The following CNTNAP2 variants were observed in gnomAD, a reference collection of about 807,000 sequenced individuals.
CNTNAP2 encodes contactin-associated protein-like 2.
Under a neutral mutation model 155.2 loss-of-function variants are expected in CNTNAP2, and 98 were observed. That is an observed-to-expected ratio of 0.63 (90% CI 0.54 to 0.75). The LOEUF (loss-of-function observed/expected upper bound fraction) is 0.75, where lower values mean the gene tolerates loss of function less well. CNTNAP2 is among the 30% of genes least tolerant of loss of function. The pLI is 0.00. For missense variants in CNTNAP2, 1,727 were observed against 1,688.1 expected, an observed-to-expected ratio of 1.02 and a Z score of -0.40; for synonymous variants, 651 against 631.2, an observed-to-expected ratio of 1.03 and a Z score of -0.47.
intron 1 of CNTNAP2, among the ~76,000 whole-genome samples, chr7:146,411,740 T>C (rs937848336): frequency 2.0e-5 from 3 of 152,050 alleles, no homozygotes; most frequent in African/African-American, 7.2e-5. Context: ...ATAAAGTCAG[T>C]TTTAAAGAGA....
At chr7:147,407,879 C>T (rs116800067) in intron 10 of CNTNAP2, among the ~76,000 whole-genome samples, 2,359 of 152,234 alleles carry the variant, frequency 0.015, 48 homozygotes, top group African/African-American at 0.054. Flanking sequence ...AAGGCAGGAA[C>T]ATGCCAGGCA....
chr7:147,043,510 T>C (rs538580435), intron 3 of CNTNAP2, among the ~76,000 whole-genome samples: 1 of 152,354 alleles, frequency 6.6e-6, no homozygotes, highest in South Asian at 2.1e-4. Flanking sequence ...TTTAAATTTC[T>C]AATGGTTTTA....
intron 11 of CNTNAP2, among the ~76,000 whole-genome samples, chr7:147,526,052 TGTG>T (rs983240011): frequency 1.7e-4 from 25 of 151,172 alleles, no homozygotes; most frequent in African/African-American, 6.1e-4. Context: ...ATTAGCCAGG[TGTG>T]GTGGTGTGTG....
intron 13 of CNTNAP2, among the ~76,000 whole-genome samples, chr7:147,896,765 AT>A (rs1333383294): frequency 1.3e-5 from 2 of 152,134 alleles, no homozygotes; most frequent in Admixed American, 6.5e-5. Flanking sequence ...CTTAACTATA[AT>A]TTCTAATCTT....
chr7:146,182,139 A>G (rs1042809500), intron 1 of CNTNAP2, among the ~76,000 whole-genome samples: 4 of 152,148 alleles, frequency 2.6e-5, no homozygotes, highest in Non-Finnish European at 5.9e-5. Flanking sequence ...TAAATCTAAA[A>G]TATTTAGTAT....
At chr7:147,343,616 G>A (rs1795799212) in intron 9 of CNTNAP2, among the ~76,000 whole-genome samples, 1 of 152,046 alleles carries the variant, frequency 6.6e-6, no homozygotes, top group Non-Finnish European at 1.5e-5. Flanking sequence ...TTTTAATATT[G>A]TGAATATAAA....
rs111762505 is a variant in CNTNAP2, at chr7:148,122,082, C to T, written c.2554+3794C>T. ...TTCAGGCCTCGTTCCAGGCGTTTTA[C>T]GTGAATCATCTCACACTCCTAACCA... On this transcript the variant is annotated intron_variant, in intron 16 of 23. Transcript: ENST00000361727. Among the ~76,000 whole-genome samples the T allele has an allele frequency of 9.7e-3, 1,478 of 152,272 alleles. 27 individuals are homozygous for T. The highest frequency in any genetic ancestry group is 0.034 in the African/African-American group (1,396 of 41,572).
intron 1 of CNTNAP2, among the ~76,000 whole-genome samples, chr7:146,203,043 GTC>G (rs1798891016): frequency 6.6e-6 from 1 of 152,028 alleles, no homozygotes; most frequent in Non-Finnish European, 1.5e-5. Context: ...CTTTGTTTTC[GTC>G]TCTATAAAAG....
chr7:148,157,515 A>G (rs147243048), intron 17 of CNTNAP2, among the ~76,000 whole-genome samples: 1,548 of 150,148 alleles, frequency 0.01, 15 homozygotes, highest in Non-Finnish European at 0.017. Flanking sequence ...ATCTTGGGAA[A>G]TATCTTTTTA....
intron 2 of CNTNAP2, among the ~76,000 whole-genome samples, chr7:146,817,492 C>A (rs1056023725): frequency 6.6e-6 from 1 of 151,272 alleles, no homozygotes; most frequent in African/African-American, 2.4e-5. Context: ...AAATCTGAAA[C>A]TGGGTAATTT....
chr7:147,783,303 T>C lies in CNTNAP2; in HGVS notation c.2099-120262T>C, dbSNP rs760436732. 2.4e-4 allele frequency among the ~76,000 whole-genome samples: 37 copies of C among 152,190 alleles called. 1 individual carries two copies. The highest frequency in any genetic ancestry group is 1.5e-5 in the Non-Finnish European group (1 of 68,030). The stretch of plus-strand genomic sequence containing the variant: ...TTTTCTGAGAGTTTAGTTGCTATTG[T>C]TGTTTTGTCTTCATTGTTGTTTGTG... On this transcript the variant is annotated intron_variant, in intron 13 of 23. Coordinates refer to ENST00000361727, the MANE Select transcript of CNTNAP2 (RefSeq NM_014141.6).
chr7:146,649,118 T>C (rs944999765), intron 1 of CNTNAP2, among the ~76,000 whole-genome samples: 28 of 152,116 alleles, frequency 1.8e-4, no homozygotes, highest in Non-Finnish European at 2.9e-5. Context: ...GAAAATTTGG[T>C]AGATGAATAT....
rs746670208 is a variant in CNTNAP2, at chr7:146,470,928, A to G, written c.98-303343A>G. Among the ~76,000 whole-genome samples the G allele has an allele frequency of 5.3e-5, 8 of 152,232 alleles. No individual in the cohort carries two copies. The South Asian group carries it at 6.2e-4, about 12-fold the overall frequency. On this transcript the variant is annotated intron_variant, in intron 1 of 23. Coordinates refer to ENST00000361727, the MANE Select transcript of CNTNAP2 (RefSeq NM_014141.6). The stretch of plus-strand genomic sequence containing the variant: ...CTATTTTACTAAGTAGCCCAGCCAG[A>G]TAAGAGTAAGCCTTACTAACAAGAA...
At chr7:146,751,648 G>A (rs1801905392) in intron 1 of CNTNAP2, among the ~76,000 whole-genome samples, 2 of 151,996 alleles carry the variant, frequency 1.3e-5, no homozygotes, top group Non-Finnish European at 2.9e-5. Flanking sequence ...TGGGATACAT[G>A]TGCAGAATGT....
intron 13 of CNTNAP2, among the ~76,000 whole-genome samples, chr7:147,750,766 C>A (rs996568114): frequency 2.6e-5 from 4 of 152,096 alleles, no homozygotes; most frequent in African/African-American, 9.7e-5. Context: ...TGGCTGGGTG[C>A]GGCGGCTCAT....
intron 1 of CNTNAP2, among the ~76,000 whole-genome samples, chr7:146,121,579 T>G (rs1797563920): frequency 6.6e-6 from 1 of 152,162 alleles, no homozygotes; most frequent in South Asian, 2.1e-4. Context: ...AGTCCTGATT[T>G]GTGAAGTGCT....
At chr7:148,137,713 GAA>G (rs1563211765) in intron 16 of CNTNAP2, among the ~76,000 whole-genome samples, 6 of 150,632 alleles carry the variant, frequency 4.0e-5, no homozygotes, top group African/African-American at 1.5e-4. Flanking sequence ...AGGAAGGAAG[GAA>G]GGAAGGAAGG....
chr7:146,784,871 T>C (rs547543214), intron 2 of CNTNAP2, among the ~76,000 whole-genome samples: 1 of 152,322 alleles, frequency 6.6e-6, no homozygotes, highest in Non-Finnish European at 1.5e-5. Context: ...GCAAAAAGCT[T>C]TATCAAATAT....
chr7:146,670,295 T>C (rs1374939357), intron 1 of CNTNAP2, among the ~76,000 whole-genome samples: 1 of 152,168 alleles, frequency 6.6e-6, no homozygotes, highest in Non-Finnish European at 1.5e-5. Context: ...CATAGTCACC[T>C]AAAGAAGCAA....
Sources: gnomAD v4.1 joint callset for allele counts (sites outside exome capture counted in the v4.1 genomes callset) on GRCh38, gnomAD v4.1.1 for gene constraint, MANE v1.5 for transcripts, NCBI Gene and HGNC (gene_info 2026-07-23, HGNC 2026-07-21) for gene names.